USP48: variants seen among roughly 807,000 people sequenced by gnomAD.
USP48 encodes the protein ubiquitin specific peptidase 48, also known as ubiquitin carboxyl-terminal hydrolase 48.
Under a neutral mutation model 150.7 loss-of-function variants are expected in USP48, and 43 were observed. The ratio of observed to expected loss-of-function variants is 0.29; its 90% CI spans 0.22 to 0.37. USP48 has a LOEUF of 0.37. Among genes scored for constraint, USP48 ranks in the 10% least tolerant of loss-of-function variants. USP48 has a pLI of 1.00. For missense variants in USP48, 813 were observed against 1,249.6 expected (o/e 0.65, Z 5.27); for synonymous variants, 396 against 425.9 (o/e 0.93, Z 0.86).
chr1:21,708,648 C>G (rs1039378839), intron 15 of USP48, among the ~76,000 whole-genome samples: 23 of 151,912 alleles, frequency 1.5e-4, no homozygotes, highest in Non-Finnish European at 2.8e-4. Flanking sequence ...CTTTAGGAGG[C>G]TGAGGTGAGT....
At chr1:21,680,761 A>G in intron 26 of USP48, 47 bp downstream of exon 26, 1 of 1,540,496 alleles carries the variant, frequency 6.5e-7, no homozygotes, top group Non-Finnish European at 8.8e-7. Context: ...AGAAAATTAC[A>G]GGATGACTCT....
chr1:21,728,477 G>GT, intron 11 of USP48, 93 bp downstream of exon 11: 1 of 1,514,628 alleles, frequency 6.6e-7, no homozygotes, highest in Non-Finnish European at 8.8e-7. Context: ...ATTAGAAAGA[G>GT]TAAGTTTGAG....
At chr1:21,781,267 A>G (rs2097913828) in intron 1 of USP48, among the ~76,000 whole-genome samples, 1 of 151,094 alleles carries the variant, frequency 6.6e-6, no homozygotes, top group African/African-American at 2.4e-5. Flanking sequence ...AAAAATACAA[A>G]AAATAAAAAT....
intron 6 of USP48, among the ~76,000 whole-genome samples, chr1:21,751,121 T>C (rs1557566759): frequency 6.6e-6 from 1 of 152,144 alleles, no homozygotes; most frequent in Non-Finnish European, 1.5e-5. Context: ...TGAATCTAAA[T>C]ATACAGAAAG....
intron 9 of USP48, among the ~76,000 whole-genome samples, chr1:21,734,982 G>C (rs2097765551): frequency 6.6e-6 from 1 of 152,174 alleles, no homozygotes; most frequent in Admixed American, 6.5e-5. Flanking sequence ...CTACTACACA[G>C]TAGCAACCAG....
intron 1 of USP48, among the ~76,000 whole-genome samples, chr1:21,781,308 G>C (rs541452961): frequency 6.6e-6 from 1 of 152,092 alleles, no homozygotes; most frequent in African/African-American, 2.4e-5. Context: ...GCATGATGGT[G>C]CATGCCTGTA....
chr1:21,720,894 G>T, intron 14 of USP48, 142 bp downstream of exon 14: 1 of 1,094,140 alleles, frequency 9.1e-7, no homozygotes, highest in Non-Finnish European at 1.3e-6. Context: ...CAGTGGGGCT[G>T]GCACAACCGC....
intron 8 of USP48, among the ~76,000 whole-genome samples, chr1:21,738,488 C>T (rs1478536576): frequency 6.6e-6 from 1 of 151,530 alleles, no homozygotes; most frequent in Non-Finnish European, 1.5e-5. Flanking sequence ...TCCCAAGTAG[C>T]TGAGATTACA....
chr1:21,759,181 CAAAAAAAAAAA>C (rs11341963), intron 1 of USP48, among the ~76,000 whole-genome samples: 9 of 69,260 alleles, frequency 1.3e-4, no homozygotes, highest in Admixed American at 9.8e-4. Flanking sequence ...GACACGGTCT[CAAAAAAAAAAA>C]AAAAAAAAAA....
At position 21,705,662 on chromosome 1, in the gene USP48, A is replaced by G; in HGVS notation, c.2384+65T>C. The G allele has an allele frequency of 2.5e-6, 3 of 1,216,174 alleles. No homozygotes were observed. In the Admixed American group the frequency reaches 7.9e-5, roughly 32 times the overall value. The allele number at this position is 1,216,174 out of a possible 1,614,324, so 75.3% of individuals were successfully genotyped here. The stretch of plus-strand genomic sequence containing the variant: ...ATGTCAGATGAGAAATTTCCTAAAC[A>G]TATTTTATTAATCATCAAAAAGAGA... On this transcript the variant is annotated intron_variant, in intron 19 of 26. Coordinates refer to ENST00000308271, the MANE Select transcript of USP48 (RefSeq NM_032236.8).
intron 8 of USP48, among the ~76,000 whole-genome samples, chr1:21,746,561 T>C (rs1242747878): frequency 6.6e-6 from 1 of 152,090 alleles, no homozygotes; most frequent in Non-Finnish European, 1.5e-5. Context: ...GGATGAAGAC[T>C]ACCAAAAGAA....
At chr1:21,693,548 C>T (rs997323818) in intron 23 of USP48, among the ~76,000 whole-genome samples, 6 of 152,326 alleles carry the variant, frequency 3.9e-5, no homozygotes, top group African/African-American at 1.2e-4. Flanking sequence ...GCAGCTCATT[C>T]GGGCAGGTAC....
chr1:21,774,831 A>G (rs893809413), intron 1 of USP48, among the ~76,000 whole-genome samples: 1 of 151,468 alleles, frequency 6.6e-6, no homozygotes, highest in African/African-American at 2.4e-5. Flanking sequence ...GTCTCCACTA[A>G]ACTACAAAAA....
intron 8 of USP48, among the ~76,000 whole-genome samples, chr1:21,739,451 G>C (rs536576616): frequency 6.7e-6 from 1 of 149,684 alleles, no homozygotes; most frequent in Non-Finnish European, 1.5e-5. Flanking sequence ...CCCGGGAGGC[G>C]GAGGTTGCAG....
Position 21,727,990 on chromosome 1 carries a change from T to C in USP48, c.1450+580A>G, listed in dbSNP as rs572634422. The stretch of plus-strand genomic sequence containing the variant: ...TGGCACATCAGCCTTTAAAAAGGCT[T>C]AATTTGGTTTCATTTTGAGACATCA... On this transcript the variant is annotated intron_variant, in intron 11 of 26. Coordinates refer to ENST00000308271, the MANE Select transcript of USP48 (RefSeq NM_032236.8). 667 of 985,432 alleles carry C rather than the reference T, an allele frequency of 6.8e-4. 1 individual carries two copies. The highest frequency in any genetic ancestry group is 7.6e-4 in the Non-Finnish European group (633 of 829,922). 61.0% of individuals were successfully genotyped at this position (985,432 alleles called of 1,614,324 possible).
intron 1 of USP48, among the ~76,000 whole-genome samples, chr1:21,767,119 C>T (rs1330464297): frequency 6.6e-6 from 1 of 152,136 alleles, no homozygotes; most frequent in Admixed American, 6.6e-5. Context: ...CCTGGGCACT[C>T]AGGGTGTATA....
intron 1 of USP48, among the ~76,000 whole-genome samples, chr1:21,774,679 C>G (rs918491585): frequency 2.0e-5 from 3 of 151,670 alleles, no homozygotes; most frequent in African/African-American, 7.3e-5. Context: ...GAGCAAGATT[C>G]TGTCTCAAAA....
At chr1:21,720,398 A>T (rs1236901345) in intron 14 of USP48, among the ~76,000 whole-genome samples, 1 of 152,198 alleles carries the variant, frequency 6.6e-6, no homozygotes, top group Non-Finnish European at 1.5e-5. Context: ...GTCCTTGCTG[A>T]ATTTCAATAG....
chr1:21,763,622 T>C (rs1638514890), intron 1 of USP48, among the ~76,000 whole-genome samples: 1 of 152,198 alleles, frequency 6.6e-6, no homozygotes, highest in Admixed American at 6.5e-5. Context: ...GAGACCAGCC[T>C]GGCTGACATA....
Sources: allele counts gnomAD v4.1 joint callset (sites outside exome capture counted in the v4.1 genomes callset), GRCh38; gene constraint gnomAD v4.1.1; transcripts MANE v1.5; gene names NCBI Gene and HGNC (gene_info 2026-07-23, HGNC 2026-07-21).